The following WDR17 variants were observed in gnomAD, a reference collection of about 807,000 sequenced individuals.
WDR17 encodes WD repeat-containing protein 17.
WDR17 carries 143 observed loss-of-function variants against 161.7 expected under a neutral mutation model. That is an observed-to-expected ratio of 0.88 (90% CI 0.77 to 1.02). The LOEUF is 1.02. Ranked by LOEUF, WDR17 falls within the 50% of genes least tolerant of loss-of-function variation. The pLI is 0.00. For missense variants in WDR17, 1,469 were observed against 1,520.9 expected, an observed-to-expected ratio of 0.97 and a Z score of 0.57; for synonymous variants, 517 against 515.6, an observed-to-expected ratio of 1.00 and a Z score of -0.04.
chr4:176,089,856 C>T (rs1029180971), intron 1 of WDR17, among the ~76,000 whole-genome samples: 2 of 152,050 alleles, frequency 1.3e-5, no homozygotes, highest in Non-Finnish European at 2.9e-5. Context: ...GGAGAGTTTT[C>T]TATCCCTCCT....
chr4:176,096,663 G>A, intron 1 of WDR17: 7 of 1,184,754 alleles, frequency 5.9e-6, no homozygotes, highest in South Asian at 4.5e-5. Flanking sequence ...TTATATCTGT[G>A]TCATTTATAT....
chr4:176,070,672 C>G (rs1162130028), intron 1 of WDR17, among the ~76,000 whole-genome samples: 1 of 151,710 alleles, frequency 6.6e-6, no homozygotes, highest in East Asian at 1.9e-4. Flanking sequence ...CACCACCACT[C>G]TTGGCTAATT....
At position 176,141,963 on chromosome 4, in the gene WDR17, C is replaced by T; in HGVS notation, c.1443-20C>T. On this transcript the variant is annotated intron_variant, in intron 10 of 28. Transcript: ENST00000508596. ...ATTTAGAGTATTGTTTTTCTATTAA[C>T]ATATTATAATTAATTCTAGTATTAT... 4 of 1,516,454 alleles carry T rather than the reference C, an allele frequency of 2.6e-6. No homozygotes were observed. Among genetic ancestry groups the T allele is most frequent in the South Asian group, 1.2e-5 (1 of 82,078 alleles). The allele number at this position is 1,516,454 out of a possible 1,614,324, so 93.9% of individuals were successfully genotyped here.
chr4:176,082,368 G>C (rs2126596079), intron 1 of WDR17, among the ~76,000 whole-genome samples: 1 of 152,184 alleles, frequency 6.6e-6, no homozygotes, highest in East Asian at 1.9e-4. Context: ...AAGAAATGAA[G>C]AAGGCTGTAA....
rs2126808690 is a variant in WDR17 at position 176,148,448 on chromosome 4, A to G, written c.1897+113A>G. 4 of 934,018 alleles carry G rather than the reference A, an allele frequency of 4.3e-6. No homozygotes were observed. The East Asian group carries it at 8.0e-5, about 19-fold the overall frequency. 57.9% of individuals were successfully genotyped at this position (934,018 alleles called of 1,614,324 possible). On this transcript the variant is annotated intron_variant, in intron 13 of 28. Coordinates refer to ENST00000508596, the MANE Select transcript of WDR17 (RefSeq NM_181265.4). The stretch of plus-strand genomic sequence containing the variant: ...AAGTTATACAGTGTTTTATTTTACA[A>G]TAACATTTTTCACATTAGAAAATAT...
intron 6 of WDR17, among the ~76,000 whole-genome samples, chr4:176,130,763 A>C (rs1008948828): frequency 6.7e-6 from 1 of 148,150 alleles, no homozygotes; most frequent in Non-Finnish European, 1.5e-5. Context: ...AAAAAAAAAA[A>C]CTGAGAAATA....
chr4:176,127,848 T>C (rs918874806), intron 5 of WDR17, among the ~76,000 whole-genome samples: 13 of 152,216 alleles, frequency 8.5e-5, no homozygotes, highest in African/African-American at 3.1e-4. Context: ...GCTAATTACT[T>C]TCTATCTCTG....
intron 28 of WDR17, among the ~76,000 whole-genome samples, chr4:176,178,559 C>G (rs971113837): frequency 7.2e-5 from 11 of 152,142 alleles, no homozygotes; most frequent in Non-Finnish European, 1.6e-4. Flanking sequence ...CTAATTATCT[C>G]ATATACACTG....
chr4:176,154,208 C>T (rs941284172), intron 17 of WDR17, among the ~76,000 whole-genome samples: 2 of 152,006 alleles, frequency 1.3e-5, no homozygotes, highest in Admixed American at 6.6e-5. Flanking sequence ...AAGGCGGGCA[C>T]GGTGGCTTAT....
chr4:176,161,099 ATGACTTGAC>A (rs1748974799), intron 20 of WDR17, 97 bp downstream of exon 20: 1 of 922,332 alleles, frequency 1.1e-6, no homozygotes. Context: ...TTGTATACTG[ATGACTTGAC>A]TGCCTCAACC....
intron 1 of WDR17, among the ~76,000 whole-genome samples, chr4:176,090,799 A>T (rs892375301): frequency 6.6e-6 from 1 of 152,170 alleles, no homozygotes; most frequent in Non-Finnish European, 1.5e-5. Context: ...TATTGACAGC[A>T]AGCCCATGAT....
chr4:176,082,482 T>A (rs928664897), intron 1 of WDR17, among the ~76,000 whole-genome samples: 1 of 151,948 alleles, frequency 6.6e-6, no homozygotes, highest in Non-Finnish European at 1.5e-5. Context: ...AACCGAGAAA[T>A]GCAACATTAC....
At chr4:176,155,736 T>TATATATATATATATA in intron 17 of WDR17, among the ~76,000 whole-genome samples, 2 of 146,642 alleles carry the variant, frequency 1.4e-5, no homozygotes, top group African/African-American at 5.0e-5. Context: ...TATATATATA[T>TATATATATATATATA]GTTTTGGTAG....
intron 2 of WDR17, among the ~76,000 whole-genome samples, chr4:176,115,521 A>C (rs944662390): frequency 1.1e-4 from 17 of 151,950 alleles, no homozygotes; most frequent in African/African-American, 3.9e-4. Flanking sequence ...TAAAGCTCTA[A>C]ATTATTATGC....
At chr4:176,178,727 A>G (rs894695138) in intron 28 of WDR17, among the ~76,000 whole-genome samples, 3 of 152,224 alleles carry the variant, frequency 2.0e-5, no homozygotes, top group Non-Finnish European at 2.9e-5. Context: ...TCCATTATCT[A>G]GAAATAATTT....
intron 1 of WDR17, among the ~76,000 whole-genome samples, chr4:176,107,398 AATT>A (rs760050804): frequency 2.7e-5 from 4 of 149,230 alleles, no homozygotes; most frequent in Admixed American, 6.8e-5. Flanking sequence ...GTAAAAATAG[AATT>A]ATTATTTGAT....
At chr4:176,145,955 A>G (rs942038157) in intron 11 of WDR17, 40 bp from the exon 12 acceptor site, 12 of 1,558,150 alleles carry the variant, frequency 7.7e-6, no homozygotes, top group Middle Eastern at 1.7e-4. Context: ...GTTATATATC[A>G]TATTTATCCT....
At chr4:176,152,449 A>G (rs13130108) in intron 17 of WDR17, among the ~76,000 whole-genome samples, 1 of 151,614 alleles carries the variant, frequency 6.6e-6, no homozygotes, top group African/African-American at 2.4e-5. Context: ...CAGAAAAACA[A>G]AAACAAAACT....
At chr4:176,157,392 A>T (rs1748321971) in intron 18 of WDR17, among the ~76,000 whole-genome samples, 1 of 152,218 alleles carries the variant, frequency 6.6e-6, no homozygotes, top group South Asian at 2.1e-4. Context: ...ATTCAGAAGG[A>T]TTAACACATT....
Sources: allele counts gnomAD v4.1 joint callset (sites outside exome capture counted in the v4.1 genomes callset), GRCh38; gene constraint gnomAD v4.1.1; transcripts MANE v1.5; gene names NCBI Gene and HGNC (gene_info 2026-07-23, HGNC 2026-07-21).